Variants in C1D observed in about 807,000 individuals in gnomAD.
C1D encodes C1D nuclear receptor corepressor.
A neutral mutation model predicts 17.5 loss-of-function variants in C1D; 10 were observed. The ratio of observed to expected loss-of-function variants is 0.57; its 90% CI spans 0.35 to 0.97. C1D has a LOEUF of 0.97. C1D is among the 50% of genes least tolerant of loss of function. The probability of loss-of-function intolerance (pLI) is 0.01; values close to 1 mark genes in which losing one functional copy is unlikely to be tolerated. For synonymous variants in C1D, 49 were observed against 54.0 expected, an observed-to-expected ratio of 0.91 and a Z score of 0.40; for missense variants, 136 against 160.1, an observed-to-expected ratio of 0.85 and a Z score of 0.81.
rs1670953586 is a variant in C1D at position 68,041,325 on chromosome 2, TATAAC to T, written c.*1559_*1563del. On this transcript the variant is annotated 3_prime_UTR_variant, in exon 5 of 5. Coordinates refer to ENST00000410067, the MANE Select transcript of C1D (RefSeq NM_173177.3). The stretch of plus-strand genomic sequence containing the variant: ...AACCAATAATGATTTTCTGCAATTG[TATAAC>T]ATTTTTCATTTAAGCTGTTTTTCTT... 1 of 152,054 alleles carries T rather than the reference TATAAC, an allele frequency of 6.6e-6. No individual in the cohort carries two copies. The highest frequency in any genetic ancestry group is 1.5e-5 in the Non-Finnish European group (1 of 67,904). The allele number at this position is 152,054 out of a possible 1,614,324, so 9.4% of individuals were successfully genotyped here.
intron 1 of C1D, among the ~76,000 whole-genome samples, chr2:68,061,016 CCAAA>C (rs1032854749): frequency 6.6e-5 from 10 of 152,302 alleles, no homozygotes; most frequent in Admixed American, 6.5e-4. Context: ...CCACATGGAT[CCAAA>C]CAAACATACG....
At chr2:68,044,916 C>G (rs1366475886) in intron 4 of C1D, among the ~76,000 whole-genome samples, 4 of 151,882 alleles carry the variant, frequency 2.6e-5, no homozygotes, top group Non-Finnish European at 5.9e-5. Context: ...TATGCAAAGT[C>G]TATATTAGGA....
chr2:68,046,184 A>C (rs1396556077), intron 3 of C1D, 141 bp from the exon 4 acceptor site: 6 of 814,434 alleles, frequency 7.4e-6, no homozygotes, highest in African/African-American at 1.8e-5. Context: ...TGTAATACTA[A>C]ATCTATGTGT....
chr2:68,060,863 T>A (rs376760481), intron 1 of C1D, among the ~76,000 whole-genome samples: 192 of 152,318 alleles, frequency 1.3e-3, no homozygotes, highest in African/African-American at 4.3e-3. Flanking sequence ...GAACTCCACA[T>A]CACTAACATA....
At chr2:68,045,869 C>G (rs1671104379) in intron 4 of C1D, 119 bp downstream of exon 4, 1 of 685,908 alleles carries the variant, frequency 1.5e-6, no homozygotes, top group South Asian at 1.9e-5. Flanking sequence ...TAAGGTCTGG[C>G]TCACTTTCAT....
chr2:68,054,597 T>G (rs191211607), intron 1 of C1D, among the ~76,000 whole-genome samples: 63 of 152,282 alleles, frequency 4.1e-4, no homozygotes, highest in African/African-American at 1.4e-3. Flanking sequence ...CAAAATACTT[T>G]CACAGCAACA....
At chr2:68,051,449 G>A (rs1352318540) in intron 1 of C1D, among the ~76,000 whole-genome samples, 2 of 152,094 alleles carry the variant, frequency 1.3e-5, no homozygotes, top group African/African-American at 4.8e-5. Context: ...TTTGAGCCTA[G>A]GAGTTCAAGA....
chr2:68,042,741 G>A lies in C1D; in HGVS notation c.*148C>T. 2.0e-6 allele frequency: 1 copy of A among 512,310 alleles called. No individual in the cohort carries two copies. Among genetic ancestry groups the A allele is most frequent in the Admixed American group, 3.6e-5 (1 of 27,700 alleles). The allele number at this position is 512,310 out of a possible 1,614,324, so 31.7% of individuals were successfully genotyped here. ...AATAAAGATAATGATCTTTGGAGAGGAAAGTATTTAGCTTTACATATTTAC... is the reference window on the plus strand; with the variant it reads ...AATAAAGATAATGATCTTTGGAGAGAAAAGTATTTAGCTTTACATATTTAC... On this transcript the variant is annotated 3_prime_UTR_variant, in exon 5 of 5. Transcript: ENST00000410067.
At chr2:68,050,242 G>A (rs7600249) in intron 1 of C1D, among the ~76,000 whole-genome samples, 40 of 151,624 alleles carry the variant, frequency 2.6e-4, no homozygotes, top group South Asian at 1.3e-3. Flanking sequence ...CAAACTGTCC[G>A]TCTGCTGGAC....
Position 68,053,012 on chromosome 2 carries a change from A to G in C1D, c.-9-5693T>C, listed in dbSNP as rs551162823. 3.2e-6 allele frequency: 5 copies of G among 1,541,330 alleles called. No individual in the cohort carries two copies. The East Asian group carries it at 7.3e-5, about 23-fold the overall frequency. On this transcript the variant is annotated intron_variant, in intron 1 of 4. Transcript: ENST00000410067. Reference sequence around the variant, plus strand: ...ACTGAGCCAAAAGAAGTTAAAGAACATGCCTAAAGTTGTACATGTTAAAAT... The same window carrying G: ...ACTGAGCCAAAAGAAGTTAAAGAACGTGCCTAAAGTTGTACATGTTAAAAT...
rs1323438965 is a variant in C1D at position 68,042,835 on chromosome 2, G to C, written c.*54C>G. 2.1e-4 allele frequency: 31 copies of C among 149,866 alleles called. 3 individuals carry two copies. The African/African-American group carries it at 3.3e-3, about 16-fold the overall frequency. 9.3% of individuals were successfully genotyped at this position (149,866 alleles called of 1,614,324 possible). A position where few individuals can be genotyped will look rare whatever the true frequency, so the allele number is the denominator to read the frequency against. On this transcript the variant is annotated 3_prime_UTR_variant, in exon 5 of 5. Transcript: ENST00000410067. ...TGCCACAGAATTATTTTGCGGGGGG[G>C]GGGGGGGGGGGGAAGATGTACTTTT...
Position 68,047,196 on chromosome 2 carries a change from A to G in C1D, c.115T>C (p.Ser39Pro). 6.2e-7 allele frequency: 1 copy of G among 1,607,036 alleles called. No homozygotes were observed. Among genetic ancestry groups the G allele is most frequent in the African/African-American group, 1.3e-5 (1 of 74,696 alleles). ...DEMLKTMMSVSRNELLQKLDP... is the reference protein window; with the variant it reads ...DEMLKTMMSVPRNELLQKLDP... ...ACCTTCTGCAACAACTCATTTCTAG[A>G]AACAGACATCATGGTCTTCAGCATC... The change falls in exon 2 of 5, where the codon TCT (serine) becomes CCT (proline). Residue 39 changes from serine (S) to proline (P), a missense_variant. By Grantham distance (74) the Ser-to-Pro change is moderately conservative. Transcript: ENST00000410067.
chr2:68,051,458 G>T (rs1333107432), intron 1 of C1D, among the ~76,000 whole-genome samples: 1 of 152,152 alleles, frequency 6.6e-6, no homozygotes, highest in Non-Finnish European at 1.5e-5. Context: ...AGGAGTTCAA[G>T]ACCAACTTGG....
At chr2:68,049,902 A>C (rs1260320709) in intron 1 of C1D, among the ~76,000 whole-genome samples, 3 of 152,256 alleles carry the variant, frequency 2.0e-5, no homozygotes, top group Admixed American at 1.3e-4. Flanking sequence ...AAGGCAAGAG[A>C]CAGCCAGGAG....
At chr2:68,060,871 A>G (rs1239520837) in intron 1 of C1D, among the ~76,000 whole-genome samples, 1 of 152,180 alleles carries the variant, frequency 6.6e-6, no homozygotes, top group Non-Finnish European at 1.5e-5. Flanking sequence ...CATCACTAAC[A>G]TAATGTCTTG....
At chr2:68,049,323 T>C (rs369973066) in intron 1 of C1D, among the ~76,000 whole-genome samples, 71 of 151,722 alleles carry the variant, frequency 4.7e-4, no homozygotes, top group African/African-American at 1.6e-3. Flanking sequence ...GCGCTGAAAA[T>C]AGCTAACCTA....
chr2:68,041,922 A>C lies in C1D; in HGVS notation c.*967T>G, dbSNP rs1247925237. 6.6e-6 allele frequency: 1 copy of C among 152,110 alleles called. No homozygotes were observed. The highest frequency in any genetic ancestry group is 6.5e-5 in the Admixed American group (1 of 15,284). 9.4% of individuals were successfully genotyped at this position (152,110 alleles called of 1,614,324 possible). A position where few individuals can be genotyped will look rare whatever the true frequency, so the allele number is the denominator to read the frequency against. ...TCTCTGTAACTAATATTCCAGAAAA[A>C]TAAACCACAATACAAACACAGTGTA... is the stretch of plus-strand genomic sequence containing the variant. On this transcript the variant is annotated 3_prime_UTR_variant, in exon 5 of 5. Coordinates refer to ENST00000410067, the MANE Select transcript of C1D (RefSeq NM_173177.3).
rs561241086 is a variant in C1D at position 68,054,116 on chromosome 2, C to T, written c.-9-6797G>A. On this transcript the variant is annotated intron_variant, in intron 1 of 4. Coordinates refer to ENST00000410067, the MANE Select transcript of C1D (RefSeq NM_173177.3). Reference sequence around the variant, plus strand: ...CAAGGTGACTATAACTCTCAATTTGCCCAAGACAGTTCCACCTTACGCCTG... The same window carrying T: ...CAAGGTGACTATAACTCTCAATTTGTCCAAGACAGTTCCACCTTACGCCTG... 3.3e-5 allele frequency among the ~76,000 whole-genome samples: 5 copies of T among 152,316 alleles called. No individual in the cohort carries two copies. The East Asian group carries it at 5.8e-4, about 18-fold the overall frequency.
At chr2:68,060,354 G>A (rs1388367354) in intron 1 of C1D, among the ~76,000 whole-genome samples, 1 of 152,138 alleles carries the variant, frequency 6.6e-6, no homozygotes, top group African/African-American at 2.4e-5. Flanking sequence ...ATTAAAACGT[G>A]AGTCAGGCTG....
Sources: allele counts gnomAD v4.1 joint callset (sites outside exome capture counted in the v4.1 genomes callset), GRCh38; gene constraint gnomAD v4.1.1; transcripts MANE v1.5; gene names NCBI Gene and HGNC (gene_info 2026-07-23, HGNC 2026-07-21).